The following NME6 variants were observed in gnomAD, a reference collection of about 807,000 sequenced individuals.
NME6 encodes nucleoside diphosphate kinase 6, mitochondrial.
A neutral mutation model predicts 22.2 loss-of-function variants in NME6; 16 were observed. That is an observed-to-expected ratio of 0.72 (90% CI 0.49 to 1.09). NME6 has a LOEUF of 1.09. NME6 is among the 50% of genes least tolerant of loss of function. The pLI is 0.00. For synonymous variants in NME6, 58 were observed against 85.2 expected (o/e 0.68, Z 1.76); for missense variants, 229 against 239.0 (o/e 0.96, Z 0.28).
At chr3:48,295,018 C>T (rs2034911321) in intron 5 of NME6, 57 bp downstream of exon 5, 1 of 1,567,408 alleles carries the variant, frequency 6.4e-7, no homozygotes, top group South Asian at 1.2e-5. Context: ...GTCAACTCTA[C>T]CACACAGCCT....
intron 5 of NME6, 95 bp from the exon 6 acceptor site, chr3:48,294,898 T>C: frequency 2.1e-6 from 3 of 1,454,868 alleles, no homozygotes; most frequent in Admixed American, 3.8e-5. Context: ...CTACTCTGCC[T>C]GCCCCTTCAG....
At chr3:48,299,102 A>G (rs1190701730) in intron 1 of NME6, 2 of 637,854 alleles carry the variant, frequency 3.1e-6, no homozygotes, top group Admixed American at 2.3e-5. Context: ...AAACCTGTTA[A>G]TACACTCAGC....
intron 4 of NME6, 142 bp downstream of exon 4, chr3:48,295,977 A>T: frequency 1.4e-6 from 1 of 699,772 alleles, no homozygotes; most frequent in Non-Finnish European, 2.6e-6. Context: ...TCAGCCTCCC[A>T]AAGTGCTGGG....
chr3:48,290,358 T>C (rs2034371917), downstream of NME6, among the ~76,000 whole-genome samples: 1 of 152,228 alleles, frequency 6.6e-6, no homozygotes, highest in Non-Finnish European at 1.5e-5. Flanking sequence ...AATTTATAAT[T>C]GTATAAATTT....
downstream of NME6, among the ~76,000 whole-genome samples, chr3:48,289,517 C>T (rs759641447): frequency 6.8e-4 from 104 of 152,048 alleles, 1 homozygote; most frequent in Non-Finnish European, 1.5e-4. Context: ...TGTGGAGAGC[C>T]GCAGACACAC....
Position 48,296,708 on chromosome 3 carries a change from A to G in NME6, c.193+19T>C. 2 of 1,569,362 alleles carry G rather than the reference A, an allele frequency of 1.3e-6. No homozygotes were observed. The highest frequency in any genetic ancestry group is 1.7e-6 in the Non-Finnish European group (2 of 1,145,070). On this transcript the variant is annotated intron_variant, in intron 3 of 5. Transcript: ENST00000442597. ...CTTGGGATTGAGGCACCTTCCATTCAGAGGACTACTGATCCTACCTTCATG... is the reference window on the plus strand; with the variant it reads ...CTTGGGATTGAGGCACCTTCCATTCGGAGGACTACTGATCCTACCTTCATG...
intron 4 of NME6, chr3:48,295,467 A>G: frequency 2.0e-6 from 1 of 506,686 alleles, no homozygotes; most frequent in Non-Finnish European, 3.5e-6. Context: ...TCTAACCACC[A>G]GAGGACAGGT....
chr3:48,300,243 C>A (rs1320928413), intron 1 of NME6: 2 of 456,750 alleles, frequency 4.4e-6, no homozygotes, highest in South Asian at 3.1e-5. Flanking sequence ...CACGGCCTCC[C>A]AGGCTCTGCA....
At position 48,296,116 on chromosome 3, in the gene NME6, T is replaced by C; in HGVS notation, c.233+3A>G. ...AAAGATGCTGGAACCAAATTTGAAG[T>C]ACCTGGCCATGAACTCCACCAGCCT... On this transcript the variant is annotated splice_donor_region_variant and intron_variant, in intron 4 of 5. Coordinates refer to ENST00000442597, the MANE Select transcript of NME6 (RefSeq NM_001308426.2). The C allele has an allele frequency of 1.2e-6, 2 of 1,604,124 alleles. No individual in the cohort carries two copies. The highest frequency in any genetic ancestry group is 1.7e-6 in the Non-Finnish European group (2 of 1,170,938).
intron 4 of NME6, 121 bp downstream of exon 4, chr3:48,295,998 T>C: frequency 1.3e-6 from 1 of 779,710 alleles, no homozygotes; most frequent in Non-Finnish European, 2.3e-6. Context: ...ATTACAGGCA[T>C]GAGCCACCGT....
In NME6 at chr3:48,294,823, A is replaced by G. The variant is rs2034889038; in HGVS notation, c.395-20T>C. ...CAGAGTCTGTAAGGGGAGATAAGAC[A>G]GAGAAGGGGTTCTCACATGGTAGAA... is the stretch of plus-strand genomic sequence containing the variant. On this transcript the variant is annotated intron_variant, in intron 5 of 5. Transcript: ENST00000442597. 11 of 1,609,150 alleles carry G rather than the reference A, an allele frequency of 6.8e-6. No homozygotes were observed. Among genetic ancestry groups the G allele is most frequent in the Non-Finnish European group, 9.4e-6 (11 of 1,175,974 alleles).
intron 1 of NME6, chr3:48,299,282 C>CA: frequency 3.3e-6 from 1 of 301,552 alleles, no homozygotes; most frequent in Admixed American, 4.8e-5. Flanking sequence ...TAATGTCTAG[C>CA]ATGGTGTAAG....
intron 5 of NME6, 120 bp downstream of exon 5, chr3:48,294,955 G>A (rs1482292030): frequency 1.4e-6 from 2 of 1,428,220 alleles, no homozygotes; most frequent in East Asian, 2.3e-5. Flanking sequence ...TGCCAACATG[G>A]CTACAAAGAC....
At chr3:48,299,559 G>T (rs2035478728) in intron 1 of NME6, among the ~76,000 whole-genome samples, 2 of 146,622 alleles carry the variant, frequency 1.4e-5, no homozygotes, top group Non-Finnish European at 3.1e-5. Flanking sequence ...TACTACATAT[G>T]TGTGTATGTG....
At chr3:48,299,475 T>C (rs936531898) in intron 1 of NME6, among the ~76,000 whole-genome samples, 4 of 152,116 alleles carry the variant, frequency 2.6e-5, no homozygotes, top group African/African-American at 9.7e-5. Flanking sequence ...TGGCCATGTG[T>C]AGTGGCTCAC....
chr3:48,296,376 C>A, intron 3 of NME6: 1 of 657,448 alleles, frequency 1.5e-6, no homozygotes. Flanking sequence ...GCTTCCTAAT[C>A]TGCGTACGAG....
chr3:48,297,037 T>C (rs1393095349), intron 2 of NME6, among the ~76,000 whole-genome samples: 1 of 152,046 alleles, frequency 6.6e-6, no homozygotes, highest in Non-Finnish European at 1.5e-5. Flanking sequence ...TCTCTGCTCT[T>C]CCATACCTAT....
downstream of NME6, chr3:48,292,311 G>T (rs1320522097): frequency 6.6e-6 from 1 of 152,116 alleles, no homozygotes; most frequent in East Asian, 1.9e-4. Flanking sequence ...AGTTCACACT[G>T]ATATCTCCAA....
downstream of NME6, among the ~76,000 whole-genome samples, chr3:48,289,255 G>A (rs2034304696): frequency 6.6e-6 from 1 of 151,958 alleles, no homozygotes; most frequent in Non-Finnish European, 1.5e-5. Context: ...GTAGAGACAG[G>A]GTTTCACCAT....
Sources: gnomAD v4.1 joint callset for allele counts (sites outside exome capture counted in the v4.1 genomes callset) on GRCh38, gnomAD v4.1.1 for gene constraint, MANE v1.5 for transcripts, NCBI Gene and HGNC (gene_info 2026-07-23, HGNC 2026-07-21) for gene names.